The following FGR variants were observed in gnomAD, a reference collection of about 807,000 sequenced individuals.
The protein encoded by FGR is tyrosine-protein kinase Fgr.
FGR carries 26 observed loss-of-function variants against 63.2 expected under a neutral mutation model. That is an observed-to-expected ratio of 0.41 (90% CI 0.30 to 0.57). The LOEUF (loss-of-function observed/expected upper bound fraction) is 0.57, where lower values mean the gene tolerates loss of function less well. FGR is among the 20% of genes least tolerant of loss of function. FGR has a pLI of 0.27. For synonymous variants in FGR, 286 were observed against 277.7 expected (o/e 1.03, Z -0.30); for missense variants, 511 against 690.8 (o/e 0.74, Z 2.92).
rs2089835330 is a variant in FGR at position 27,617,395 on chromosome 1, T to C, written c.429-99A>G. ...ACAAGCCAAGACTCCATTTTCCCCA[T>C]GTGTAAAATGGGGCTGGTACACCTG... On this transcript the variant is annotated intron_variant, in intron 5 of 12. Transcript: ENST00000374005. The surrounding 1 kb of genome is among the most constrained non-coding windows in gnomAD (Gnocchi z 4.5). 1.2e-6 allele frequency: 1 copy of C among 817,556 alleles called. No individual in the cohort carries two copies. Among genetic ancestry groups the C allele is most frequent in the East Asian group, 2.5e-5 (1 of 39,656 alleles). 50.6% of individuals were successfully genotyped at this position (817,556 alleles called of 1,614,324 possible). A position where few individuals can be genotyped will look rare whatever the true frequency, so the allele number is the denominator to read the frequency against.
At chr1:27,632,946 C>T (rs1490350085) in intron 1 of FGR, among the ~76,000 whole-genome samples, 1 of 152,162 alleles carries the variant, frequency 6.6e-6, no homozygotes, top group Non-Finnish European at 1.5e-5. Flanking sequence ...GGTTCCCTAC[C>T]CAGCCTCCTG....
intron 11 of FGR, among the ~76,000 whole-genome samples, chr1:27,614,108 C>T (rs903423234): frequency 2.0e-5 from 3 of 152,180 alleles, no homozygotes; most frequent in African/African-American, 4.8e-5. Flanking sequence ...CACTGTTACA[C>T]GCCATTGTCT....
Position 27,623,125 on chromosome 1 carries a change from G to A in FGR, c.246C>T (p.Phe82=). Residue 82 remains phenylalanine (F), a synonymous_variant, in exon 4 of 13, where the codon TTC becomes TTT. Transcript: ENST00000374005. ...GAGCCTCATAGTCATACAGGGCAATGAACAGGGTCACCCCAATCCCTGCAG... is the reference window on the plus strand; with the variant it reads ...GAGCCTCATAGTCATACAGGGCAATAAACAGGGTCACCCCAATCCCTGCAG... ...RGVSGIGVTL[F]IALYDYEART... 1 of 1,613,994 alleles carries A rather than the reference G, an allele frequency of 6.2e-7. No individual in the cohort carries two copies. The highest frequency in any genetic ancestry group is 8.5e-7 in the Non-Finnish European group (1 of 1,179,854).
At chr1:27,618,063 C>T (rs1385267359) in intron 5 of FGR, among the ~76,000 whole-genome samples, 1 of 152,130 alleles carries the variant, frequency 6.6e-6, no homozygotes, top group Non-Finnish European at 1.5e-5. Flanking sequence ...TTAAAGGAGC[C>T]TCGTGTTTTC....
chr1:27,614,606 G>A lies in FGR; in HGVS notation c.1096-23C>T, dbSNP rs753503346. The A allele has an allele frequency of 3.1e-6, 5 of 1,612,036 alleles. No individual in the cohort carries two copies. In the East Asian group the frequency reaches 1.1e-4, roughly 36 times the overall value. On this transcript the variant is annotated intron_variant, in intron 10 of 12. Coordinates refer to ENST00000374005, the MANE Select transcript of FGR (RefSeq NM_005248.3). ...TACCTGGGGGACCATAGTGTGGAGA[G>A]ATGGGAGCTCATGTGGACTCACAAC...
At chr1:27,618,953 TCAC>T (rs1474440975) in intron 5 of FGR, among the ~76,000 whole-genome samples, 2 of 152,072 alleles carry the variant, frequency 1.3e-5, no homozygotes, top group African/African-American at 4.8e-5. Context: ...GAGAAATCTC[TCAC>T]CAAGGTCACC....
rs2089823221 is a variant in FGR, at chr1:27,616,927, G to A, written c.612C>T (p.Asp204=). The A allele has an allele frequency of 6.2e-7, 1 of 1,614,092 alleles. No homozygotes were observed. Among genetic ancestry groups the A allele is most frequent in the African/African-American group, 1.3e-5 (1 of 74,914 alleles). Residue 204 remains aspartate, a synonymous_variant, in exon 7 of 13, where the codon GAC becomes GAT. Coordinates refer to ENST00000374005, the MANE Select transcript of FGR (RefSeq NM_005248.3). The surrounding 1 kb of genome is among the most constrained non-coding windows in gnomAD (Gnocchi z 4.3). The stretch of plus-strand genomic sequence containing the variant: ...GTGTGGTGATGTAGTAGCCGCCCAT[G>A]TCCAGTTTGCGGATCTTGTAATGCT... ...HVKHYKIRKL[D]MGGYYITTRV...
chr1:27,613,071 G>A lies in FGR; in HGVS notation c.1433C>T (p.Pro478Leu), dbSNP rs1363737705. ...LEQVEQGYHM[P>L]CPPGCPASLY... is the part of the protein sequence containing the mutation. Reference sequence around the variant, plus strand: ...GGATGCTGGGCAGCCTGGAGGGCACGGCATGTGGTAGCCCTGCTCCACCTG... The same window carrying A: ...GGATGCTGGGCAGCCTGGAGGGCACAGCATGTGGTAGCCCTGCTCCACCTG... Residue 478 changes from proline to leucine, a missense_variant, in exon 13 of 13, where the codon CCG becomes CTG. Coordinates refer to ENST00000374005, the MANE Select transcript of FGR (RefSeq NM_005248.3). The A allele has an allele frequency of 1.9e-6, 3 of 1,614,058 alleles. No homozygotes were observed. Among genetic ancestry groups the A allele is most frequent in the African/African-American group, 1.3e-5 (1 of 74,924 alleles).
chr1:27,631,932 G>A (rs2090111135), intron 1 of FGR, among the ~76,000 whole-genome samples: 1 of 151,930 alleles, frequency 6.6e-6, no homozygotes, highest in Admixed American at 6.6e-5. Flanking sequence ...GGGTCAGGGA[G>A]CAAGGCTGAG....
Position 27,615,170 on chromosome 1 carries a change from C to T in FGR, c.1019-244G>A, listed in dbSNP as rs1409607601. 6.6e-6 allele frequency among the ~76,000 whole-genome samples: 1 copy of T among 152,036 alleles called. No individual in the cohort carries two copies. The highest frequency in any genetic ancestry group is 2.4e-5 in the African/African-American group (1 of 41,364). On this transcript the variant is annotated intron_variant, in intron 9 of 12. Transcript: ENST00000374005. This position sits in a 1 kb window ranked among gnomAD's most constrained non-coding sequence, Gnocchi z 7.6. ...GACCCACCCAGACTCCGCCCCAGAC[C>T]CTCCCTCATTCCCGATTCTGCCTTC...
At position 27,615,648 on chromosome 1, in the gene FGR, C is replaced by A; in HGVS notation, c.839-35G>T. ...GGCTGTCTTGTCAGGACCCTCTCCCCCGAGCCCAGGCCCTCGTCCCGGCCC... is the reference window on the plus strand; with the variant it reads ...GGCTGTCTTGTCAGGACCCTCTCCCACGAGCCCAGGCCCTCGTCCCGGCCC... On this transcript the variant is annotated intron_variant, in intron 8 of 12. Transcript: ENST00000374005. This position sits in a 1 kb window ranked among gnomAD's most constrained non-coding sequence, Gnocchi z 7.6. 3 of 1,594,994 alleles carry A rather than the reference C, an allele frequency of 1.9e-6. No individual in the cohort carries two copies. The highest frequency in any genetic ancestry group is 2.6e-6 in the Non-Finnish European group (3 of 1,165,058).
chr1:27,615,910 A>T lies in FGR; in HGVS notation c.683-66T>A. On this transcript the variant is annotated intron_variant, in intron 7 of 12. Coordinates refer to ENST00000374005, the MANE Select transcript of FGR (RefSeq NM_005248.3). This position sits in a 1 kb window ranked among gnomAD's most constrained non-coding sequence, Gnocchi z 7.6. ...GACACCCCCCTCCACTCCTTATCCT[A>T]TCCCAGCCTGGTGCCAGACCCTAAG... 2.1e-6 allele frequency: 3 copies of T among 1,454,876 alleles called. No homozygotes were observed. In the South Asian group the frequency reaches 4.1e-5, roughly 20 times the overall value. 90.1% of individuals were successfully genotyped at this position (1,454,876 alleles called of 1,614,324 possible). A position where few individuals can be genotyped will look rare whatever the true frequency, so the allele number is the denominator to read the frequency against.
At position 27,623,198 on chromosome 1, in the gene FGR, G is replaced by T. The variant is rs972672621; in HGVS notation, c.227-54C>A. 2.2e-6 allele frequency: 3 copies of T among 1,350,420 alleles called. No homozygotes were observed. The Admixed American group carries it at 5.2e-5, about 23-fold the overall frequency. The allele number at this position is 1,350,420 out of a possible 1,614,324, so 83.7% of individuals were successfully genotyped here. A position where few individuals can be genotyped will look rare whatever the true frequency, so the allele number is the denominator to read the frequency against. The stretch of plus-strand genomic sequence containing the variant: ...AGGGCATGGGGCAGAAGCACCAAGG[G>T]GGCTGCACCCCAAATTCCTGTTCCC... On this transcript the variant is annotated intron_variant, in intron 3 of 12. Transcript: ENST00000374005.
intron 11 of FGR, among the ~76,000 whole-genome samples, 178 bp from the exon 12 acceptor site, chr1:27,613,528 C>T (rs1571375741): frequency 6.6e-6 from 1 of 152,004 alleles, no homozygotes; most frequent in East Asian, 1.9e-4. Flanking sequence ...CATGGCGAAA[C>T]CCTGTCTCTA....
chr1:27,624,579 G>A (rs2089987831), intron 2 of FGR, among the ~76,000 whole-genome samples: 1 of 152,120 alleles, frequency 6.6e-6, no homozygotes, highest in African/African-American at 2.4e-5. Context: ...GCAGCTCTTT[G>A]TGGATGTCTG....
chr1:27,616,443 G>C lies in FGR; in HGVS notation c.682+414C>G, dbSNP rs1281682478. 6.6e-6 allele frequency among the ~76,000 whole-genome samples: 1 copy of C among 152,144 alleles called. No individual in the cohort carries two copies. Among genetic ancestry groups the C allele is most frequent in the African/African-American group, 2.4e-5 (1 of 41,424 alleles). On this transcript the variant is annotated intron_variant, in intron 7 of 12. Coordinates refer to ENST00000374005, the MANE Select transcript of FGR (RefSeq NM_005248.3). The surrounding 1 kb of genome is among the most constrained non-coding windows in gnomAD (Gnocchi z 4.3). ...ACCCCTCACTCTGCCTTGGCCCCTG[G>C]CATCCAAGCTCCACCAGCAGCCAGA... is the stretch of plus-strand genomic sequence containing the variant.
Position 27,615,568 on chromosome 1 carries a change from G to A in FGR, c.884C>T (p.Pro295Leu), listed in dbSNP as rs149452269. The change falls in exon 9 of 13, where the codon CCG becomes CTG. Residue 295 changes from proline to leucine, a missense_variant. Pro to Leu is a moderately conservative substitution (Grantham distance 98, BLOSUM62 -3). Coordinates refer to ENST00000374005, the MANE Select transcript of FGR (RefSeq NM_005248.3). The surrounding 1 kb of genome is among the most constrained non-coding windows in gnomAD (Gnocchi z 7.6). ...STKVAVKTLK[P>L]GTMSPKAFLE... The stretch of plus-strand genomic sequence containing the variant: ...GAAGGCCTTCGGGGACATGGTGCCC[G>A]GCTTCAGCGTCTTCACCGCCACCTT... 3 of 1,613,560 alleles carry A rather than the reference G, an allele frequency of 1.9e-6. No homozygotes were observed. The highest frequency in any genetic ancestry group is 2.2e-5 in the East Asian group (1 of 44,846).
intron 1 of FGR, among the ~76,000 whole-genome samples, chr1:27,634,723 G>A (rs1305952526): frequency 6.6e-6 from 1 of 151,702 alleles, no homozygotes. Context: ...ACCGTCCTGG[G>A]GATTCCCCTT....
chr1:27,623,257 G>T (rs1571396312), intron 3 of FGR, 113 bp from the exon 4 acceptor site: 2 of 750,944 alleles, frequency 2.7e-6, no homozygotes, highest in African/African-American at 1.7e-5. Flanking sequence ...CTCCTTTAGT[G>T]CTCTGGTTCC....
Sources: gnomAD v4.1 joint callset for allele counts (sites outside exome capture counted in the v4.1 genomes callset) on GRCh38, gnomAD v4.1.1 for gene constraint, Gnocchi (gnomAD v3.1) non-coding constraint, MANE v1.5 for transcripts, NCBI Gene and HGNC (gene_info 2026-07-23, HGNC 2026-07-21) for gene names.